Variants in DLG2 observed in about 807,000 individuals in gnomAD.
The protein encoded by DLG2 is discs large MAGUK scaffold protein 2, also known as disks large homolog 2.
Under a neutral mutation model 132.5 loss-of-function variants are expected in DLG2, and 45 were observed. That is an observed-to-expected ratio of 0.34 (90% CI 0.27 to 0.44). DLG2 has a LOEUF of 0.44. DLG2 is among the 20% of genes least tolerant of loss of function. DLG2 has a pLI of 1.00. For missense variants in DLG2, 1,045 were observed against 1,196.9 expected (o/e 0.87, Z 1.87); for synonymous variants, 424 against 419.6 (o/e 1.01, Z -0.13).
chr11:84,479,348 G>A (rs2154492862), intron 7 of DLG2, among the ~76,000 whole-genome samples: 1 of 152,168 alleles, frequency 6.6e-6, no homozygotes, highest in Admixed American at 6.5e-5. Context: ...ATGGTGACGT[G>A]AAGGCTCTGT....
chr11:84,134,872 A>C (rs140962010), intron 9 of DLG2, among the ~76,000 whole-genome samples: 128 of 152,074 alleles, frequency 8.4e-4, no homozygotes, highest in African/African-American at 3.0e-3. Context: ...AGTCCAGCCA[A>C]TATAGGGTAG....
chr11:85,146,227 C>CCTCTCTCTCTCTCTCTCT lies in DLG2; in HGVS notation c.282+8311_282+8328dup, dbSNP rs35640163. On this transcript the variant is annotated intron_variant, in intron 5 of 27. Coordinates refer to ENST00000376104, the MANE Select transcript of DLG2 (RefSeq NM_001142699.3). Reference sequence around the variant, plus strand: ...AAGTCTGTCTGTATGTCTGTTTCTCCCTCTCTCTCTCTCTCTCTCTCTCTC... The same window carrying CCTCTCTCTCTCTCTCTCT: ...AAGTCTGTCTGTATGTCTGTTTCTCCCTCTCTCTCTCTCTCTCTCTCTCTCTCTCTCTCTCTCTCTCTC... 1.6e-3 allele frequency among the ~76,000 whole-genome samples: 205 copies of CCTCTCTCTCTCTCTCTCT among 129,180 alleles called. 1 individual carries two copies. Among genetic ancestry groups the CCTCTCTCTCTCTCTCTCT allele is most frequent in the African/African-American group, 4.3e-3 (141 of 32,854 alleles). The allele number at this position is 129,180 out of a possible 152,430, so 84.7% of individuals were successfully genotyped here. A position where few individuals can be genotyped will look rare whatever the true frequency, so the allele number is the denominator to read the frequency against.
intron 3 of DLG2, among the ~76,000 whole-genome samples, chr11:85,580,503 T>C (rs2078440788): frequency 6.6e-6 from 1 of 152,298 alleles, no homozygotes; most frequent in South Asian, 2.1e-4. Context: ...AAGATGACAA[T>C]AGTAGCAAAC....
intron 11 of DLG2, among the ~76,000 whole-genome samples, chr11:83,996,897 G>T (rs535561648): frequency 6.6e-6 from 1 of 151,694 alleles, no homozygotes; most frequent in South Asian, 2.1e-4. Context: ...GAATGAATAA[G>T]ACCTACTATA....
At chr11:84,209,457 A>G (rs2096721617) in intron 8 of DLG2, among the ~76,000 whole-genome samples, 1 of 152,200 alleles carries the variant, frequency 6.6e-6, no homozygotes, top group Non-Finnish European at 1.5e-5. Flanking sequence ...TAAAGTTTGG[A>G]GTTTAGTTAA....
At chr11:83,632,883 C>A in intron 19 of DLG2, 1 of 253,364 alleles carries the variant, frequency 3.9e-6, no homozygotes, top group Non-Finnish European at 7.7e-6. Context: ...AGTAAATGTC[C>A]AAGGGTTTGG....
intron 4 of DLG2, among the ~76,000 whole-genome samples, chr11:85,250,494 G>T (rs1387318098): frequency 6.6e-6 from 1 of 152,032 alleles, no homozygotes; most frequent in African/African-American, 2.4e-5. Flanking sequence ...CTTGTCTTGG[G>T]ATAACACAGT....
intron 6 of DLG2, among the ~76,000 whole-genome samples, chr11:85,012,490 C>A (rs2059222449): frequency 1.3e-5 from 2 of 151,458 alleles, no homozygotes; most frequent in Admixed American, 1.3e-4. Flanking sequence ...CGCCATTGCA[C>A]TACAGCCTAG....
At chr11:84,685,413 G>T (rs2153714234) in intron 6 of DLG2, among the ~76,000 whole-genome samples, 1 of 152,310 alleles carries the variant, frequency 6.6e-6, no homozygotes, top group Middle Eastern at 3.4e-3. Context: ...GGATTATTGG[G>T]CAAGAAGTTC....
At chr11:84,738,058 C>A (rs950007749) in intron 6 of DLG2, among the ~76,000 whole-genome samples, 2 of 152,014 alleles carry the variant, frequency 1.3e-5, no homozygotes, top group Non-Finnish European at 2.9e-5. Flanking sequence ...CTCTAGAGCG[C>A]AGCGTAAACT....
chr11:84,914,898 T>C (rs68149449), intron 6 of DLG2, among the ~76,000 whole-genome samples: 9,709 of 152,262 alleles, frequency 0.064, 349 homozygotes, highest in African/African-American at 0.1. Flanking sequence ...TCATCATAAA[T>C]ACTAAACAAA....
chr11:85,522,060 A>G (rs1383770330), intron 3 of DLG2, among the ~76,000 whole-genome samples: 1 of 152,194 alleles, frequency 6.6e-6, no homozygotes, highest in East Asian at 1.9e-4. Flanking sequence ...AGAGAGCTTC[A>G]CAGCAGTCCT....
At chr11:83,585,507 C>T (rs1449844678) in intron 19 of DLG2, among the ~76,000 whole-genome samples, 1 of 152,164 alleles carries the variant, frequency 6.6e-6, no homozygotes, top group East Asian at 1.9e-4. Flanking sequence ...TGATGTAGTA[C>T]AAAATAATAG....
Position 84,934,520 on chromosome 11 carries a change from G to GTT in DLG2, c.357+177139_357+177140dup, listed in dbSNP as rs1277703004. 2.4e-3 allele frequency among the ~76,000 whole-genome samples: 94 copies of GTT among 39,114 alleles called. 1 individual carries two copies. The highest frequency in any genetic ancestry group is 6.5e-3 in the African/African-American group (60 of 9,214). The allele number at this position is 39,114 out of a possible 152,430, so 25.7% of individuals were successfully genotyped here. A position where few individuals can be genotyped will look rare whatever the true frequency, so the allele number is the denominator to read the frequency against. ...GTCCTGGGTGTTTTTTTTTTGTTTT[G>GTT]TTTTGTTTTTTTTTTTTTTTTTTTT... On this transcript the variant is annotated intron_variant, in intron 6 of 27. Coordinates refer to ENST00000376104, the MANE Select transcript of DLG2 (RefSeq NM_001142699.3).
At chr11:84,337,613 T>G (rs185304710) in intron 7 of DLG2, among the ~76,000 whole-genome samples, 1 of 152,304 alleles carries the variant, frequency 6.6e-6, no homozygotes, top group Admixed American at 6.5e-5. Context: ...CAGTAGAATT[T>G]GTAGAAAAAA....
intron 12 of DLG2, among the ~76,000 whole-genome samples, chr11:83,971,508 G>A (rs557219937): frequency 6.6e-6 from 1 of 151,866 alleles, no homozygotes; most frequent in African/African-American, 2.4e-5. Context: ...TGGGAGGTGT[G>A]GGGGCATGAG....
intron 2 of DLG2, among the ~76,000 whole-genome samples, chr11:85,607,373 C>T (rs540751325): frequency 9.9e-5 from 15 of 152,112 alleles, no homozygotes; most frequent in Non-Finnish European, 1.6e-4. Context: ...TCCAGGGTCC[C>T]GACAACAAGT....
intron 21 of DLG2, among the ~76,000 whole-genome samples, chr11:83,503,450 T>TACAC (rs201536663): frequency 2.1e-5 from 2 of 94,846 alleles, no homozygotes; most frequent in African/African-American, 3.6e-5. Flanking sequence ...TATATATATT[T>TACAC]ATACACACAC....
chr11:83,914,864 T>A (rs537739155), intron 15 of DLG2, among the ~76,000 whole-genome samples: 62 of 152,248 alleles, frequency 4.1e-4, no homozygotes, highest in African/African-American at 1.4e-3. Context: ...AAGATCTAAT[T>A]GTAGATATAG....
Sources: allele counts gnomAD v4.1 joint callset (sites outside exome capture counted in the v4.1 genomes callset), GRCh38; gene constraint gnomAD v4.1.1; transcripts MANE v1.5; gene names NCBI Gene and HGNC (gene_info 2026-07-23, HGNC 2026-07-21).